The following PXDNL variants were observed in gnomAD, a reference collection of about 807,000 sequenced individuals.
PXDNL encodes probable oxidoreductase PXDNL.
Under a neutral mutation model 150.8 loss-of-function variants are expected in PXDNL, and 145 were observed. The observed-to-expected ratio is 0.96, with a 90% CI of 0.84 to 1.10. PXDNL has a LOEUF of 1.10. PXDNL is among the 50% of genes least tolerant of loss of function. PXDNL has a pLI of 0.00. For synonymous variants in PXDNL, 757 were observed against 725.7 expected, an observed-to-expected ratio of 1.04 and a Z score of -0.69; for missense variants, 2,087 against 1,873.9, an observed-to-expected ratio of 1.11 and a Z score of -2.10.
chr8:51,544,764 A>T (rs1317567651), intron 4 of PXDNL, among the ~76,000 whole-genome samples: 1 of 152,214 alleles, frequency 6.6e-6, no homozygotes, highest in African/African-American at 2.4e-5. Context: ...GTGAATATTT[A>T]TATCTGTAGC....
intron 2 of PXDNL, among the ~76,000 whole-genome samples, chr8:51,644,337 TACACACACACACACACACACACACAC>T (rs371179403): frequency 2.0e-4 from 10 of 50,154 alleles, no homozygotes; most frequent in South Asian, 1.0e-3. Flanking sequence ...TATATATATA[TACACACACACACACACACACACACAC>T]ATATGTATAT....
intron 21 of PXDNL, among the ~76,000 whole-genome samples, chr8:51,325,027 G>A (rs145063829): frequency 0.024 from 3,647 of 152,040 alleles, 144 homozygotes; most frequent in African/African-American, 0.08. Flanking sequence ...CACCACACCC[G>A]GCTAATTTTT....
chr8:51,473,274 AACACACACAC>A (rs1164131411), intron 7 of PXDNL, among the ~76,000 whole-genome samples: 296 of 134,022 alleles, frequency 2.2e-3, no homozygotes, highest in East Asian at 9.9e-3. Context: ...GTAGAAAATA[AACACACACAC>A]ACACACACAC....
intron 1 of PXDNL, among the ~76,000 whole-genome samples, chr8:51,712,068 A>C (rs1816513528): frequency 6.6e-6 from 1 of 152,218 alleles, no homozygotes; most frequent in Non-Finnish European, 1.5e-5. Context: ...GAAATGCAAC[A>C]ATGTATAAGA....
chr8:51,805,140 C>G (rs1046230847), intron 1 of PXDNL, among the ~76,000 whole-genome samples: 21 of 151,972 alleles, frequency 1.4e-4, no homozygotes, highest in African/African-American at 5.1e-4. Context: ...CATCTGGGTC[C>G]CACTGTGCTT....
chr8:51,524,040 T>C (rs1364920594), intron 4 of PXDNL, among the ~76,000 whole-genome samples: 1 of 152,230 alleles, frequency 6.6e-6, no homozygotes, highest in Admixed American at 6.5e-5. Flanking sequence ...TGCAGCAGGA[T>C]CTGGGCACCC....
intron 12 of PXDNL, among the ~76,000 whole-genome samples, chr8:51,429,967 T>G (rs1809211303): frequency 6.6e-6 from 1 of 152,142 alleles, no homozygotes; most frequent in South Asian, 2.1e-4. Context: ...TGCCTGACAA[T>G]GCATAATGGA....
intron 5 of PXDNL, among the ~76,000 whole-genome samples, chr8:51,485,003 A>G (rs1287252686): frequency 6.6e-6 from 1 of 152,238 alleles, no homozygotes; most frequent in Non-Finnish European, 1.5e-5. Flanking sequence ...TAATCAATTT[A>G]TATCTGAAAC....
At chr8:51,553,072 AG>A (rs754586628) in intron 4 of PXDNL, among the ~76,000 whole-genome samples, 2 of 152,250 alleles carry the variant, frequency 1.3e-5, no homozygotes, top group Admixed American at 1.3e-4. Context: ...ACAATCCAAC[AG>A]GGTGAATAAC....
chr8:51,793,615 A>T (rs1292390634), intron 1 of PXDNL, among the ~76,000 whole-genome samples: 1 of 152,214 alleles, frequency 6.6e-6, no homozygotes, highest in Non-Finnish European at 1.5e-5. Flanking sequence ...GGAACTGGGC[A>T]CAAGGACTCA....
At chr8:51,444,735 A>G (rs949164829) in intron 12 of PXDNL, among the ~76,000 whole-genome samples, 1 of 152,060 alleles carries the variant, frequency 6.6e-6, no homozygotes, top group South Asian at 2.1e-4. Context: ...AAAATGATTC[A>G]ACCTGCTATA....
intron 8 of PXDNL, among the ~76,000 whole-genome samples, chr8:51,461,417 G>A (rs1810081053): frequency 6.6e-6 from 1 of 152,196 alleles, no homozygotes; most frequent in Admixed American, 6.5e-5. Context: ...AGAAGGCTTG[G>A]GATAAAACCA....
intron 2 of PXDNL, among the ~76,000 whole-genome samples, chr8:51,616,105 G>A (rs1451444212): frequency 1.3e-5 from 2 of 152,222 alleles, no homozygotes; most frequent in African/African-American, 2.4e-5. Flanking sequence ...TGCCTGAGAT[G>A]GACTAGCCTG....
chr8:51,597,746 C>T (rs1813606453), intron 2 of PXDNL, among the ~76,000 whole-genome samples: 1 of 149,598 alleles, frequency 6.7e-6, no homozygotes, highest in South Asian at 2.1e-4. Flanking sequence ...TGGAGTTTCA[C>T]TCTTGTTGCC....
intron 17 of PXDNL, among the ~76,000 whole-genome samples, chr8:51,390,959 C>T (rs369516055): frequency 1.3e-4 from 20 of 151,932 alleles, no homozygotes; most frequent in Admixed American, 8.5e-4. Context: ...TGTGTTCTCA[C>T]TGTTCAATTC....
At chr8:51,324,544 C>T (rs1416969260) in intron 21 of PXDNL, among the ~76,000 whole-genome samples, 1 of 152,138 alleles carries the variant, frequency 6.6e-6, no homozygotes, top group African/African-American at 2.4e-5. Flanking sequence ...TCTTTCTATC[C>T]AAGACCTGAA....
chr8:51,360,972 T>G (rs1286456673), intron 19 of PXDNL, among the ~76,000 whole-genome samples: 1 of 152,188 alleles, frequency 6.6e-6, no homozygotes, highest in Non-Finnish European at 1.5e-5. Flanking sequence ...TGCATAAGGT[T>G]TTTCTTTTAA....
intron 4 of PXDNL, among the ~76,000 whole-genome samples, chr8:51,506,208 C>T (rs1247011268): frequency 1.3e-5 from 2 of 152,092 alleles, no homozygotes; most frequent in African/African-American, 2.4e-5. Context: ...ACTGCACAAG[C>T]TTCACTCTTT....
At chr8:51,689,998 A>C (rs931599426) in intron 1 of PXDNL, among the ~76,000 whole-genome samples, 7 of 152,210 alleles carry the variant, frequency 4.6e-5, no homozygotes, top group African/African-American at 1.4e-4. Flanking sequence ...AGACTCTGTG[A>C]AGTAGTAAAG....
Sources: allele counts gnomAD v4.1 joint callset (sites outside exome capture counted in the v4.1 genomes callset), GRCh38; gene constraint gnomAD v4.1.1; transcripts MANE v1.5; gene names NCBI Gene and HGNC (gene_info 2026-07-23, HGNC 2026-07-21).